The following PGBD5 variants were observed in gnomAD, a reference collection of about 807,000 sequenced individuals.
PGBD5 encodes piggyBac transposable element-derived protein 5.
In PGBD5, 14 loss-of-function variants were observed where a neutral mutation model predicts 47.9. That is an observed-to-expected ratio of 0.29 (90% confidence interval 0.19 to 0.46). The LOEUF (loss-of-function observed/expected upper bound fraction) is 0.46, where lower values mean the gene tolerates loss of function less well. PGBD5 is among the 20% of genes least tolerant of loss of function. The pLI is 1.00. For synonymous variants in PGBD5, 316 were observed against 306.3 expected, an observed-to-expected ratio of 1.03 and a Z score of -0.33; for missense variants, 635 against 716.0, an observed-to-expected ratio of 0.89 and a Z score of 1.29.
chr1:230,416,009 G>A (rs976486950), intron 1 of PGBD5, among the ~76,000 whole-genome samples: 2 of 152,172 alleles, frequency 1.3e-5, no homozygotes, highest in African/African-American at 4.8e-5. Context: ...GTTAGAAAGT[G>A]CTTAGAAAAG....
At chr1:230,324,781 T>C (rs1667089170) in intron 6 of PGBD5, among the ~76,000 whole-genome samples, 1 of 152,224 alleles carries the variant, frequency 6.6e-6, no homozygotes, top group Non-Finnish European at 1.5e-5. Flanking sequence ...ATCTTGTCTA[T>C]GCTGTGTGTA....
At chr1:230,404,913 G>A (rs1427759196) in intron 1 of PGBD5, among the ~76,000 whole-genome samples, 12 of 108,834 alleles carry the variant, frequency 1.1e-4, no homozygotes, top group South Asian at 3.3e-4. Flanking sequence ...CAACAAGAGC[G>A]AAACTCCATC....
intron 1 of PGBD5, among the ~76,000 whole-genome samples, chr1:230,421,178 T>G (rs746992564): frequency 6.6e-6 from 1 of 151,892 alleles, no homozygotes; most frequent in Non-Finnish European, 1.5e-5. Flanking sequence ...AAATCCAGAT[T>G]CTCCTCTTCT....
chr1:230,375,792 A>G (rs1668002361), intron 1 of PGBD5, among the ~76,000 whole-genome samples: 1 of 151,378 alleles, frequency 6.6e-6, no homozygotes. Context: ...GGCAGCTGTC[A>G]GGAGCACTTC....
chr1:230,374,061 A>G (rs1164618743), intron 1 of PGBD5, among the ~76,000 whole-genome samples: 2 of 152,222 alleles, frequency 1.3e-5, no homozygotes, highest in Non-Finnish European at 2.9e-5. Context: ...AAAGTCTGGA[A>G]TATTCATGAT....
chr1:230,332,633 C>A (rs1667237972), intron 5 of PGBD5, among the ~76,000 whole-genome samples: 1 of 152,184 alleles, frequency 6.6e-6, no homozygotes, highest in Non-Finnish European at 1.5e-5. Context: ...TTACAACGAA[C>A]AGGGAGCTCT....
At chr1:230,346,582 G>A (rs1667475704) in intron 3 of PGBD5, among the ~76,000 whole-genome samples, 1 of 152,128 alleles carries the variant, frequency 6.6e-6, no homozygotes, top group African/African-American at 2.4e-5. Flanking sequence ...GATTTCCTGA[G>A]CCCTACCTTA....
At chr1:230,399,083 C>T (rs984621899) in intron 1 of PGBD5, among the ~76,000 whole-genome samples, 38 of 152,082 alleles carry the variant, frequency 2.5e-4, no homozygotes, top group African/African-American at 8.4e-4. Context: ...GTGTCAGGTG[C>T]AGCTCATCAG....
chr1:230,351,057 T>C lies in PGBD5; in HGVS notation c.795A>G (p.Val265=), dbSNP rs200158027. Residue 265 remains valine, a synonymous_variant, in exon 3 of 7, where the codon GTA becomes GTG. Transcript: ENST00000391860. The stretch of plus-strand genomic sequence containing the variant: ...CCCGCTCTGTGCACGTGGCAATGAA[T>C]ACAGGATCCTCATCGATCAGGGGTT... The part of the protein sequence containing the change: ...LHEPLIDEDP[V]FIATCTEREL... 6 of 1,613,864 alleles carry C rather than the reference T, an allele frequency of 3.7e-6. No homozygotes were observed. The Admixed American group carries it at 5.0e-5, about 13-fold the overall frequency.
chr1:230,329,424 C>G (rs1364081823), intron 5 of PGBD5, among the ~76,000 whole-genome samples: 1 of 152,154 alleles, frequency 6.6e-6, no homozygotes, highest in East Asian at 1.9e-4. Context: ...CAACTACAAC[C>G]AGAGTATATA....
intron 1 of PGBD5, among the ~76,000 whole-genome samples, chr1:230,358,509 T>C (rs1044847123): frequency 7.2e-5 from 11 of 152,134 alleles, no homozygotes; most frequent in African/African-American, 2.7e-4. Flanking sequence ...AAGGGGCTTA[T>C]TCATATAATT....
At chr1:230,372,460 T>C (rs1185243684) in intron 1 of PGBD5, among the ~76,000 whole-genome samples, 2 of 152,172 alleles carry the variant, frequency 1.3e-5, no homozygotes, top group Non-Finnish European at 1.5e-5. Flanking sequence ...CCTAGCAACA[T>C]GCAAGATAAA....
chr1:230,327,864 T>C (rs1176788484), intron 5 of PGBD5, among the ~76,000 whole-genome samples: 1 of 152,194 alleles, frequency 6.6e-6, no homozygotes, highest in Non-Finnish European at 1.5e-5. Context: ...TTGTCACACT[T>C]GGGGCCACAG....
intron 3 of PGBD5, among the ~76,000 whole-genome samples, chr1:230,346,948 A>G (rs1238353077): frequency 6.6e-6 from 1 of 152,144 alleles, no homozygotes. Flanking sequence ...CCATGCCTAG[A>G]TTTGCATTGG....
chr1:230,357,446 C>T lies in PGBD5; in HGVS notation c.332-125G>A, dbSNP rs981919941. On this transcript the variant is annotated intron_variant, in intron 1 of 6. Transcript: ENST00000391860. The surrounding 1 kb of genome is among the most constrained non-coding windows in gnomAD (Gnocchi z 5.7). ...GTGCCCCCGCTGCCTCCAGTGCTAC[C>T]GCCTTCCCCTCCAACCTTCCAGAAG... The T allele has an allele frequency of 6.8e-6, 7 of 1,025,830 alleles. No individual in the cohort carries two copies. The highest frequency in any genetic ancestry group is 2.6e-5 in the East Asian group (1 of 38,306). The allele number at this position is 1,025,830 out of a possible 1,614,324, so 63.5% of individuals were successfully genotyped here. A position where few individuals can be genotyped will look rare whatever the true frequency, so the allele number is the denominator to read the frequency against.
intron 1 of PGBD5, among the ~76,000 whole-genome samples, chr1:230,369,662 A>G (rs1000582925): frequency 5.3e-5 from 8 of 152,036 alleles, no homozygotes; most frequent in Non-Finnish European, 7.4e-5. Context: ...GTGTCACAAT[A>G]TATCTGGGGT....
At chr1:230,396,648 C>T (rs1434635441) in intron 1 of PGBD5, among the ~76,000 whole-genome samples, 3 of 143,376 alleles carry the variant, frequency 2.1e-5, no homozygotes, top group Non-Finnish European at 4.5e-5. Flanking sequence ...TATCCTGAGG[C>T]ACCTGAGGAC....
At position 230,315,658 on chromosome 1, in the gene PGBD5, CTG is replaced by C. The variant is rs905502692; in HGVS notation, c.*7765_*7766del. 6 of 151,592 alleles carry C rather than the reference CTG, an allele frequency of 4.0e-5. No homozygotes were observed. Among genetic ancestry groups the C allele is most frequent in the African/African-American group, 1.5e-4 (6 of 41,304 alleles). The allele number at this position is 151,592 out of a possible 1,614,324, so 9.4% of individuals were successfully genotyped here. On this transcript the variant is annotated 3_prime_UTR_variant, in exon 7 of 7. Transcript: ENST00000391860. ...GCAGAGGCTCATCATGTGGTAGACT[CTG>C]TATTTTATCGTGTGTGTATGTGTGT... is the stretch of plus-strand genomic sequence containing the variant.
At chr1:230,344,390 G>C (rs1008333237) in intron 3 of PGBD5, among the ~76,000 whole-genome samples, 5 of 152,218 alleles carry the variant, frequency 3.3e-5, no homozygotes, top group African/African-American at 1.2e-4. Context: ...ATCTCTCTGT[G>C]CCTCAGTTTC....
Sources: allele counts gnomAD v4.1 joint callset (sites outside exome capture counted in the v4.1 genomes callset), GRCh38; gene constraint gnomAD v4.1.1; non-coding constraint Gnocchi (gnomAD v3.1); transcripts MANE v1.5; gene names NCBI Gene and HGNC (gene_info 2026-07-23, HGNC 2026-07-21).